The following OLA1 variants were observed in gnomAD, a reference collection of about 807,000 sequenced individuals.
OLA1 encodes obg-like ATPase 1.
OLA1 carries 14 observed loss-of-function variants against 48.4 expected under a neutral mutation model. That is an observed-to-expected ratio of 0.29 (90% CI 0.19 to 0.45). The LOEUF is 0.45. Ranked by LOEUF, OLA1 falls within the 20% of genes least tolerant of loss-of-function variation. OLA1 has a pLI of 1.00. For missense variants in OLA1, 325 were observed against 467.1 expected (o/e 0.70, Z 2.80); for synonymous variants, 127 against 150.4 (o/e 0.84, Z 1.14).
intron 7 of OLA1, among the ~76,000 whole-genome samples, chr2:174,111,560 A>ACCC (rs1340972592): frequency 6.6e-6 from 1 of 152,206 alleles, no homozygotes; most frequent in African/African-American, 2.4e-5. Context: ...GGTAGTCATT[A>ACCC]GTTTTGCCCG....
At chr2:174,224,534 G>A (rs1688575396) in intron 3 of OLA1, among the ~76,000 whole-genome samples, 1 of 152,190 alleles carries the variant, frequency 6.6e-6, no homozygotes, top group African/African-American at 2.4e-5. Context: ...TATTTGGGAG[G>A]CTGAGGCAGG....
intron 1 of OLA1, chr2:174,247,604 AT>A: frequency 1.3e-6 from 2 of 1,546,890 alleles, no homozygotes; most frequent in Non-Finnish European, 1.7e-6. Flanking sequence ...CCATTCCTCT[AT>A]AATCTGGAAT....
chr2:174,134,557 A>G (rs1686256764), intron 5 of OLA1, among the ~76,000 whole-genome samples: 1 of 152,170 alleles, frequency 6.6e-6, no homozygotes, highest in Admixed American at 6.5e-5. Flanking sequence ...ATTTTAACTG[A>G]ACTCTATACA....
At chr2:174,216,878 G>A (rs1306729499) in intron 4 of OLA1, among the ~76,000 whole-genome samples, 1 of 151,990 alleles carries the variant, frequency 6.6e-6, no homozygotes, top group Non-Finnish European at 1.5e-5. Context: ...CTTTTCTCTA[G>A]CTTACTTTAT....
At chr2:174,123,146 T>C in intron 7 of OLA1, 34 bp downstream of exon 7, 1 of 927,980 alleles carries the variant, frequency 1.1e-6, no homozygotes, top group East Asian at 2.4e-5. Flanking sequence ...ACAGAGATGA[T>C]GCATCTGGGT....
chr2:174,123,051 A>C, intron 7 of OLA1, 129 bp downstream of exon 7: 1 of 573,026 alleles, frequency 1.7e-6, no homozygotes, highest in Non-Finnish European at 3.1e-6. Context: ...TTTCTCATCC[A>C]TTTTAAACTT....
chr2:174,136,989 A>G (rs1053654729), intron 5 of OLA1, among the ~76,000 whole-genome samples: 12 of 152,120 alleles, frequency 7.9e-5, no homozygotes, highest in African/African-American at 2.9e-4. Context: ...AAATTCATCT[A>G]GAATGGTGAA....
At chr2:174,214,053 C>G (rs1688306964) in intron 4 of OLA1, among the ~76,000 whole-genome samples, 1 of 151,662 alleles carries the variant, frequency 6.6e-6, no homozygotes, top group African/African-American at 2.4e-5. Context: ...TAAAGCAAGG[C>G]CAGGCGCAGT....
chr2:174,135,160 C>CAA (rs71405180), intron 5 of OLA1, among the ~76,000 whole-genome samples: 15,646 of 85,846 alleles, frequency 0.18, 1,514 homozygotes, highest in Non-Finnish European at 0.24. Flanking sequence ...ACTCCGCCTC[C>CAA]AAAAAAAAAA....
chr2:174,247,877 A>C, intron 1 of OLA1: 1 of 1,314,818 alleles, frequency 7.6e-7, no homozygotes, highest in Admixed American at 2.3e-5. Context: ...AATTACTCCC[A>C]CCCTTGGACT....
At chr2:174,215,526 T>C (rs1020730797) in intron 4 of OLA1, among the ~76,000 whole-genome samples, 1 of 152,214 alleles carries the variant, frequency 6.6e-6, no homozygotes, top group East Asian at 1.9e-4. Context: ...AAAAAACTTG[T>C]AGATGAAACA....
At position 174,081,203 on chromosome 2, in the gene OLA1, T is replaced by C; in HGVS notation, c.915A>G (p.Leu305=). The C allele has an allele frequency of 6.2e-7, 1 of 1,611,586 alleles. No homozygotes were observed. Among genetic ancestry groups the C allele is most frequent in the Non-Finnish European group, 8.5e-7 (1 of 1,179,080 alleles). Reference sequence around the variant, plus strand: ...CTGGGCCTGCAGTGAAAAAGTATTCTAGTTGGAGTGCTGCAAACCCAGCCT... The same window carrying C: ...CTGGGCCTGCAGTGAAAAAGTATTCCAGTTGGAGTGCTGCAAACCCAGCCT... The part of the protein sequence containing the change: ...IIKAGFAALQ[L]EYFFTAGPDE... The change falls in exon 9 of 11, where the codon CTA becomes CTG. Residue 305 remains leucine (L), a synonymous_variant. Coordinates refer to ENST00000284719, the MANE Select transcript of OLA1 (RefSeq NM_013341.5).
chr2:174,081,942 TC>T lies in OLA1; in HGVS notation c.850del (p.Glu284LysfsTer4), dbSNP rs1364253581. The T allele has an allele frequency of 6.2e-7, 1 of 1,612,232 alleles. No homozygotes were observed. The highest frequency in any genetic ancestry group is 1.1e-5 in the South Asian group (1 of 90,986). ...AATTAACCTTTGTGTCATGTTCGCT[TC>T]CAGATACTTCTGTCTCTCCTCAGCA... is the stretch of plus-strand genomic sequence containing the variant. ...LSAEERQKYL[E>X]ANMTQSALPK... On this transcript the variant is annotated frameshift_variant, in exon 8 of 11. Transcript: ENST00000284719. LOFTEE classifies it high-confidence loss of function.
intron 5 of OLA1, among the ~76,000 whole-genome samples, chr2:174,127,079 A>G (rs1686062266): frequency 6.6e-6 from 1 of 152,232 alleles, no homozygotes; most frequent in African/African-American, 2.4e-5. Context: ...TCACATTTAA[A>G]ATTAGAAATG....
chr2:174,246,404 CACT>C (rs1310764456), intron 2 of OLA1, among the ~76,000 whole-genome samples: 1 of 152,160 alleles, frequency 6.6e-6, no homozygotes, highest in Non-Finnish European at 1.5e-5. Flanking sequence ...TTACGATTTC[CACT>C]ACGAAATTCA....
chr2:174,143,674 T>C (rs1449376965), intron 4 of OLA1, among the ~76,000 whole-genome samples: 2 of 152,098 alleles, frequency 1.3e-5, no homozygotes, highest in South Asian at 2.1e-4. Context: ...AAGTGGATAA[T>C]AGAGAGAAAC....
At chr2:174,116,141 T>G (rs6433463) in intron 7 of OLA1, among the ~76,000 whole-genome samples, 144,348 of 152,298 alleles carry the variant, frequency 0.95, 68,814 homozygotes, top group Non-Finnish European at 1. Flanking sequence ...GCATTAAAAA[T>G]ACAGATTGCA....
intron 4 of OLA1, among the ~76,000 whole-genome samples, chr2:174,203,590 T>G (rs923013868): frequency 6.6e-6 from 1 of 151,782 alleles, no homozygotes. Flanking sequence ...CAGAAGCCAC[T>G]GTGCCTGGTC....
At chr2:174,163,583 G>A (rs1247313900) in intron 4 of OLA1, among the ~76,000 whole-genome samples, 3 of 150,740 alleles carry the variant, frequency 2.0e-5, no homozygotes, top group African/African-American at 4.9e-5. Flanking sequence ...CCAGCTACTC[G>A]GGAGGCTGAG....
Sources: allele counts gnomAD v4.1 joint callset (sites outside exome capture counted in the v4.1 genomes callset), GRCh38; gene constraint gnomAD v4.1.1; transcripts MANE v1.5; gene names NCBI Gene and HGNC (gene_info 2026-07-23, HGNC 2026-07-21).